Variants in DACH1 observed in about 807,000 individuals in gnomAD.
DACH1 encodes dachshund family transcription factor 1.
In DACH1, 12 loss-of-function variants were observed where a neutral mutation model predicts 54.2. The ratio of observed to expected loss-of-function variants is 0.22; its 90% CI spans 0.14 to 0.36. DACH1 has a LOEUF of 0.36. DACH1 is among the 10% of genes least tolerant of loss of function. DACH1 has a pLI of 1.00. For synonymous variants in DACH1, 386 were observed against 366.2 expected, an observed-to-expected ratio of 1.05 and a Z score of -0.62; for missense variants, 805 against 929.8, an observed-to-expected ratio of 0.87 and a Z score of 1.75.
chr13:71,748,870 C>CT (rs773383252), intron 1 of DACH1, among the ~76,000 whole-genome samples: 44 of 23,964 alleles, frequency 1.8e-3, no homozygotes, highest in Non-Finnish European at 4.8e-3. Flanking sequence ...TTCTTTCTTT[C>CT]TTTCTTTCTT....
intron 6 of DACH1, among the ~76,000 whole-genome samples, chr13:71,544,548 G>T (rs1442737437): frequency 6.6e-6 from 1 of 152,064 alleles, no homozygotes; most frequent in Non-Finnish European, 1.5e-5. Flanking sequence ...CATTTACTGT[G>T]ATTTTACTTA....
At chr13:71,744,396 G>A (rs527909933) in intron 1 of DACH1, among the ~76,000 whole-genome samples, 1 of 152,290 alleles carries the variant, frequency 6.6e-6, no homozygotes, top group East Asian at 1.9e-4. Flanking sequence ...AGCAACCAGA[G>A]GTAAAATCTG....
intron 6 of DACH1, among the ~76,000 whole-genome samples, chr13:71,538,522 G>A (rs1426872628): frequency 6.6e-6 from 1 of 152,026 alleles, no homozygotes; most frequent in African/African-American, 2.4e-5. Flanking sequence ...ACAGGCAAGG[G>A]AATGTGAACT....
At chr13:71,508,985 C>A (rs1303516690) in intron 6 of DACH1, among the ~76,000 whole-genome samples, 7 of 152,028 alleles carry the variant, frequency 4.6e-5, no homozygotes, top group Non-Finnish European at 8.8e-5. Flanking sequence ...ATACACTCAC[C>A]AAATTATCCC....
chr13:71,698,252 A>G (rs764021684), intron 1 of DACH1, among the ~76,000 whole-genome samples: 1 of 152,170 alleles, frequency 6.6e-6, no homozygotes, highest in Non-Finnish European at 1.5e-5. Flanking sequence ...TGGCAAATGC[A>G]TATGAATAGA....
At chr13:71,710,137 C>T (rs7319521) in intron 1 of DACH1, among the ~76,000 whole-genome samples, 38,165 of 151,964 alleles carry the variant, frequency 0.25, 11,745 homozygotes, top group African/African-American at 0.73. Flanking sequence ...TTATTGGGAA[C>T]AGAGACTAGA....
intron 1 of DACH1, among the ~76,000 whole-genome samples, chr13:71,699,544 T>C (rs1882005774): frequency 6.6e-6 from 1 of 152,204 alleles, no homozygotes; most frequent in South Asian, 2.1e-4. Context: ...GGTTCACCGA[T>C]AGGATTTACT....
intron 1 of DACH1, among the ~76,000 whole-genome samples, chr13:71,707,465 C>T (rs568087532): frequency 6.6e-6 from 1 of 152,194 alleles, no homozygotes; most frequent in African/African-American, 2.4e-5. Context: ...AAGGAGTAGC[C>T]CTGAGCCTCC....
intron 1 of DACH1, among the ~76,000 whole-genome samples, chr13:71,685,819 A>G (rs74096999): frequency 0.073 from 11,078 of 152,168 alleles, 733 homozygotes; most frequent in East Asian, 0.21. Context: ...GGCTCTACCA[A>G]TTTACTAGAA....
rs185123976 is a variant in DACH1, at chr13:71,706,211, A to G, written c.849-24301T>C. 2.6e-5 allele frequency among the ~76,000 whole-genome samples: 4 copies of G among 151,966 alleles called. No individual in the cohort carries two copies. In the East Asian group the frequency reaches 5.8e-4, roughly 22 times the overall value. On this transcript the variant is annotated intron_variant, in intron 1 of 10. Transcript: ENST00000613252. ...TTATGTACAACTTCCTTGATTTTCT[A>G]TAAAGAATCAGGACAACAAAAGGGA...
At chr13:71,516,921 T>C (rs531503674) in intron 6 of DACH1, among the ~76,000 whole-genome samples, 2 of 43,374 alleles carry the variant, frequency 4.6e-5, no homozygotes, top group Admixed American at 8.5e-4. Context: ...CACACATATA[T>C]TTTTATGTTT....
intron 1 of DACH1, among the ~76,000 whole-genome samples, chr13:71,813,110 A>T (rs1312966421): frequency 1.3e-5 from 2 of 152,216 alleles, no homozygotes; most frequent in Non-Finnish European, 2.9e-5. Context: ...GACTTTATTC[A>T]TTGAAAAATA....
intron 1 of DACH1, among the ~76,000 whole-genome samples, chr13:71,768,396 C>T (rs1885723672): frequency 6.6e-6 from 1 of 151,948 alleles, no homozygotes; most frequent in Non-Finnish European, 1.5e-5. Flanking sequence ...GATGAAAGTT[C>T]ATGCTTTATT....
At chr13:71,603,486 T>C (rs1566371863) in intron 3 of DACH1, among the ~76,000 whole-genome samples, 4 of 152,002 alleles carry the variant, frequency 2.6e-5, no homozygotes, top group Admixed American at 2.6e-4. Flanking sequence ...AATGTGTGCA[T>C]TGAGTGGCTG....
intron 1 of DACH1, among the ~76,000 whole-genome samples, chr13:71,690,094 T>A (rs907589930): frequency 6.6e-6 from 1 of 152,158 alleles, no homozygotes; most frequent in Non-Finnish European, 1.5e-5. Flanking sequence ...ACATCCATGG[T>A]AAATGTCCCT....
intron 10 of DACH1, 102 bp downstream of exon 10, chr13:71,475,039 G>T: frequency 1.0e-6 from 1 of 989,782 alleles, no homozygotes; most frequent in South Asian, 1.4e-5. Flanking sequence ...AACTTGTTTT[G>T]ATGTGGCCCA....
intron 3 of DACH1, among the ~76,000 whole-genome samples, chr13:71,580,213 T>C (rs2138431588): frequency 6.6e-6 from 1 of 152,182 alleles, no homozygotes; most frequent in East Asian, 1.9e-4. Flanking sequence ...ATAAAGCAGT[T>C]TGGTATAAAG....
chr13:71,851,419 A>G (rs1418405347), intron 1 of DACH1, among the ~76,000 whole-genome samples: 1 of 152,148 alleles, frequency 6.6e-6, no homozygotes, highest in Non-Finnish European at 1.5e-5. Flanking sequence ...TGATTTATTT[A>G]TTATGCCCCC....
chr13:71,551,369 C>T (rs1883803809), intron 6 of DACH1, among the ~76,000 whole-genome samples: 2 of 152,202 alleles, frequency 1.3e-5, no homozygotes, highest in South Asian at 4.1e-4. Flanking sequence ...TTGCTGTAAA[C>T]TATAGTCACC....
Sources: allele counts gnomAD v4.1 joint callset (sites outside exome capture counted in the v4.1 genomes callset), GRCh38; gene constraint gnomAD v4.1.1; transcripts MANE v1.5; gene names NCBI Gene and HGNC (gene_info 2026-07-23, HGNC 2026-07-21).